TENM2: variants seen among roughly 807,000 people sequenced by gnomAD.
TENM2 encodes the protein teneurin-2.
A neutral mutation model predicts 245.2 loss-of-function variants in TENM2; 52 were observed. That is an observed-to-expected ratio of 0.21 (90% CI 0.17 to 0.27). The LOEUF (loss-of-function observed/expected upper bound fraction) is 0.27, where lower values mean the gene tolerates loss of function less well. TENM2 is among the 10% of genes least tolerant of loss of function. The pLI is 1.00. For synonymous variants in TENM2, 1,363 were observed against 1,438.9 expected, an observed-to-expected ratio of 0.95 and a Z score of 1.19; for missense variants, 3,046 against 3,666.8, an observed-to-expected ratio of 0.83 and a Z score of 4.37.
At chr5:167,520,789 C>T (rs910510957) in intron 2 of TENM2, among the ~76,000 whole-genome samples, 88 of 151,778 alleles carry the variant, frequency 5.8e-4, no homozygotes, top group African/African-American at 2.0e-3. Context: ...TCAACTTCCA[C>T]ATGGCCTCTA....
At chr5:168,091,796 C>T (rs887404029) in intron 8 of TENM2, among the ~76,000 whole-genome samples, 5 of 152,104 alleles carry the variant, frequency 3.3e-5, no homozygotes, top group African/African-American at 1.2e-4. Context: ...CTGGGGAAGC[C>T]CCCACAGGGT....
intron 2 of TENM2, among the ~76,000 whole-genome samples, chr5:167,602,588 C>G (rs1776715607): frequency 6.6e-6 from 1 of 152,124 alleles, no homozygotes; most frequent in African/African-American, 2.4e-5. Flanking sequence ...AAGACTTGCT[C>G]AAGTCCATTG....
chr5:168,241,132 T>G (rs888495357), intron 25 of TENM2: 1 of 152,230 alleles, frequency 6.6e-6, no homozygotes. Context: ...TTCTTGACTA[T>G]TCCCAGTTGC....
At chr5:168,196,633 T>A (rs144964995) in intron 15 of TENM2, among the ~76,000 whole-genome samples, 3,779 of 152,270 alleles carry the variant, frequency 0.025, 135 homozygotes, top group East Asian at 0.19. Context: ...AGCTAATTTT[T>A]GTATTTTTAG....
the TENM2 span, among the ~76,000 whole-genome samples, chr5:166,989,467 C>T: frequency 6.6e-6 from 1 of 151,812 alleles, no homozygotes; most frequent in Admixed American, 6.6e-5. Context: ...ACCATGTTCT[C>T]GATCTCCTGA....
chr5:167,169,082 A>T, the TENM2 span, among the ~76,000 whole-genome samples: 1 of 152,164 alleles, frequency 6.6e-6, no homozygotes, highest in African/African-American at 2.4e-5. Flanking sequence ...TAATAATAAC[A>T]GTAAATTAAT....
At chr5:167,701,211 C>T (rs1412446712) in intron 2 of TENM2, among the ~76,000 whole-genome samples, 1 of 152,070 alleles carries the variant, frequency 6.6e-6, no homozygotes, top group East Asian at 1.9e-4. Flanking sequence ...TTTTCCCAGT[C>T]ATTACATCTC....
At chr5:167,739,597 A>G (rs1484607537) in intron 2 of TENM2, among the ~76,000 whole-genome samples, 3 of 152,108 alleles carry the variant, frequency 2.0e-5, no homozygotes, top group African/African-American at 4.8e-5. Flanking sequence ...GCTGCCTTGT[A>G]TCTGTCTTCT....
chr5:167,513,212 A>T (rs1770087746), intron 2 of TENM2, among the ~76,000 whole-genome samples: 1 of 152,202 alleles, frequency 6.6e-6, no homozygotes, highest in Non-Finnish European at 1.5e-5. Context: ...CCTTAGTAAC[A>T]TGTCACTTAT....
chr5:167,742,023 A>G (rs571231094), intron 2 of TENM2, among the ~76,000 whole-genome samples: 95 of 152,292 alleles, frequency 6.2e-4, no homozygotes, highest in Admixed American at 2.2e-3. Context: ...CTTCAAAGAC[A>G]ACCTCCTACC....
rs781581501 is a variant in TENM2 at position 168,262,325 on chromosome 5, G to A, written c.7840G>A (p.Glu2614Lys). The change falls in exon 29 of 29, where the codon GAG becomes AAG. Residue 2614 changes from glutamate (E) to lysine (K), a missense_variant. By Grantham distance (56) the Glu-to-Lys change is moderately conservative (BLOSUM62 1). Coordinates refer to ENST00000518659, the Ensembl canonical transcript of TENM2. ...CCTGGACAAGATGCACTACAGCATC[G>A]AGGGCAAGGACACCCACTACTTTGT... 7 of 1,609,814 alleles carry A rather than the reference G, an allele frequency of 4.3e-6. No homozygotes were observed. The South Asian group carries it at 4.4e-5, about 10-fold the overall frequency.
chr5:167,872,484 AAAAGAAAGAAAG>A (rs377717879), intron 2 of TENM2, among the ~76,000 whole-genome samples: 92 of 99,632 alleles, frequency 9.2e-4, no homozygotes, highest in Admixed American at 1.4e-3. Context: ...GAAAGAAAGA[AAAAGAAAGAAAG>A]AAAGAAAGAA....
the TENM2 span, among the ~76,000 whole-genome samples, chr5:167,197,240 A>G: frequency 6.6e-6 from 1 of 152,094 alleles, no homozygotes; most frequent in South Asian, 2.1e-4. Flanking sequence ...CCAGGGTTCA[A>G]ACCCACAGCT....
At chr5:167,044,926 G>A in the TENM2 span, among the ~76,000 whole-genome samples, 5 of 152,196 alleles carry the variant, frequency 3.3e-5, no homozygotes, top group Non-Finnish European at 7.3e-5. Flanking sequence ...AGCTTGAAGA[G>A]ATGGTGTCCA....
rs368677261 is a variant in TENM2 at position 167,736,161 on chromosome 5, G to A, written c.503-139825G>A. Among the ~76,000 whole-genome samples, 9 of 152,198 alleles carry A rather than the reference G, an allele frequency of 5.9e-5. No individual in the cohort carries two copies. The East Asian group carries it at 1.2e-3, about 20-fold the overall frequency. On this transcript the variant is annotated intron_variant, in intron 2 of 28. Transcript: ENST00000518659. ...CGTCCTTCCTTCACATGGCAGCAGC[G>A]AGGAGAAGTACAGAGTGAGGGGTGG... is the stretch of plus-strand genomic sequence containing the variant.
intron 7 of TENM2, among the ~76,000 whole-genome samples, chr5:168,065,125 G>A (rs1046303434): frequency 6.6e-6 from 1 of 152,194 alleles, no homozygotes; most frequent in East Asian, 1.9e-4. Flanking sequence ...GAAAGTGAAA[G>A]AGGTGGGGTG....
intron 2 of TENM2, among the ~76,000 whole-genome samples, chr5:167,760,077 A>G (rs1277149146): frequency 6.6e-6 from 1 of 152,092 alleles, no homozygotes; most frequent in African/African-American, 2.4e-5. Context: ...GTATTTGGAG[A>G]GAGGAGCTAA....
rs759124386 is a variant in TENM2, at chr5:168,195,161, TTCTG to T, written c.2781-11_2781-8del. ...CTGCATGTGGCTCAAAGACCTCTGT[TTCTG>T]TCTTTCTCAGCTTGGTTTCTCTCAT... On this transcript the variant is annotated splice_polypyrimidine_tract_variant and intron_variant, in intron 14 of 28. Transcript: ENST00000518659. The T allele has an allele frequency of 7.0e-6, 11 of 1,579,920 alleles. No individual in the cohort carries two copies. The highest frequency in any genetic ancestry group is 9.5e-6 in the Non-Finnish European group (11 of 1,160,600).
At chr5:168,050,774 G>T (rs1359982038) in intron 6 of TENM2, among the ~76,000 whole-genome samples, 1 of 152,224 alleles carries the variant, frequency 6.6e-6, no homozygotes, top group Non-Finnish European at 1.5e-5. Context: ...TGATTAATTA[G>T]TTGGGAGAGT....
Sources: allele counts gnomAD v4.1 joint callset (sites outside exome capture counted in the v4.1 genomes callset), GRCh38; gene constraint gnomAD v4.1.1; transcripts MANE v1.5; gene names NCBI Gene and HGNC (gene_info 2026-07-23, HGNC 2026-07-21).